The following STAB2 variants were observed in gnomAD, a reference collection of about 807,000 sequenced individuals.
STAB2 encodes stabilin-2.
STAB2 carries 288 observed loss-of-function variants against 338.1 expected under a neutral mutation model. The observed-to-expected ratio is 0.85, with a 90% CI of 0.77 to 0.94. STAB2 has a LOEUF of 0.94. Ranked by LOEUF, STAB2 falls within the 40% of genes least tolerant of loss-of-function variation. The pLI is 0.00. For missense variants in STAB2, 3,141 were observed against 3,210.1 expected (o/e 0.98, Z 0.52); for synonymous variants, 1,202 against 1,193.3 (o/e 1.01, Z -0.15).
chr12:103,611,041 T>C (rs568186432), intron 3 of STAB2, among the ~76,000 whole-genome samples: 12 of 152,262 alleles, frequency 7.9e-5, no homozygotes, highest in Non-Finnish European at 1.8e-4. Context: ...GATTGCACTG[T>C]GGTCTGAGAG....
At chr12:103,608,569 G>A (rs185586407) in intron 3 of STAB2, among the ~76,000 whole-genome samples, 63 of 152,284 alleles carry the variant, frequency 4.1e-4, no homozygotes, top group African/African-American at 1.4e-3. Flanking sequence ...TGAGTTCTTT[G>A]TAGATTCTGG....
At chr12:103,710,937 G>A (rs896246478) in intron 39 of STAB2, among the ~76,000 whole-genome samples, 5 of 152,124 alleles carry the variant, frequency 3.3e-5, no homozygotes, top group African/African-American at 9.7e-5. Context: ...CTGTGTCCAG[G>A]AAATTTACAT....
chr12:103,766,274 TCTCTTTTCCAGGA>T lies in STAB2; in HGVS notation c.7606-7_7611del. ...AGAATGCCCTGCCCCCTTACAACCC[TCTCTTTTCCAGGA>T]CTCTGAAGAACGGCAGCTTGAGGGC... On this transcript the variant is annotated splice_acceptor_variant and splice_polypyrimidine_tract_variant and coding_sequence_variant and intron_variant, in exon 69 of 69. Transcript: ENST00000388887. LOFTEE classifies it high-confidence loss of function. The T allele has an allele frequency of 1.2e-6, 2 of 1,613,702 alleles. No individual in the cohort carries two copies. Among genetic ancestry groups the T allele is most frequent in the Non-Finnish European group, 1.7e-6 (2 of 1,179,950 alleles).
intron 5 of STAB2, among the ~76,000 whole-genome samples, chr12:103,625,440 A>G (rs576070118): frequency 1.1e-4 from 16 of 152,228 alleles, no homozygotes; most frequent in Non-Finnish European, 2.4e-4. Flanking sequence ...TACATGTGCA[A>G]TGTTGGTGTG....
At chr12:103,652,394 A>G (rs778341203) in intron 11 of STAB2, among the ~76,000 whole-genome samples, 162 bp from the exon 12 acceptor site, 18 of 152,234 alleles carry the variant, frequency 1.2e-4, no homozygotes, top group African/African-American at 4.3e-4. Flanking sequence ...AATGTATAGC[A>G]AGTATAATTG....
At chr12:103,690,577 A>G (rs745364142) in intron 30 of STAB2, 39 bp downstream of exon 30, 33 of 1,554,354 alleles carry the variant, frequency 2.1e-5, no homozygotes, top group Middle Eastern at 3.4e-4. Flanking sequence ...TTGAAACATA[A>G]CAGCTTTGTT....
chr12:103,600,699 C>T (rs1325494433), intron 3 of STAB2, among the ~76,000 whole-genome samples: 1 of 152,212 alleles, frequency 6.6e-6, no homozygotes, highest in African/African-American at 2.4e-5. Flanking sequence ...GAGGGCTGGG[C>T]CAGGGTGAAG....
At chr12:103,630,137 G>A (rs1225304567) in intron 5 of STAB2, among the ~76,000 whole-genome samples, 2 of 152,188 alleles carry the variant, frequency 1.3e-5, no homozygotes, top group Non-Finnish European at 2.9e-5. Context: ...TGAAATGAAT[G>A]AAATGGAGAG....
intron 3 of STAB2, among the ~76,000 whole-genome samples, chr12:103,607,719 TC>T (rs1234525919): frequency 6.6e-6 from 1 of 152,212 alleles, no homozygotes; most frequent in Non-Finnish European, 1.5e-5. Context: ...CATGAACTCA[TC>T]CTTTTTTATC....
chr12:103,649,841 G>T (rs1394431571), intron 10 of STAB2, among the ~76,000 whole-genome samples: 1 of 152,070 alleles, frequency 6.6e-6, no homozygotes. Flanking sequence ...GGGAGGTAGT[G>T]TTTTTTGCAG....
intron 9 of STAB2, among the ~76,000 whole-genome samples, chr12:103,643,546 C>A (rs1355301168): frequency 1.3e-5 from 2 of 152,020 alleles, no homozygotes; most frequent in African/African-American, 2.4e-5. Flanking sequence ...CCCAGAGCAC[C>A]CTGGAATGTG....
At chr12:103,723,923 G>A (rs1198840995) in intron 44 of STAB2, among the ~76,000 whole-genome samples, 3 of 152,142 alleles carry the variant, frequency 2.0e-5, no homozygotes, top group Non-Finnish European at 4.4e-5. Context: ...GGTGGCCAGA[G>A]AGAGAGGGAT....
At chr12:103,665,664 G>A (rs1468832964) in intron 18 of STAB2, among the ~76,000 whole-genome samples, 3 of 152,076 alleles carry the variant, frequency 2.0e-5, no homozygotes, top group African/African-American at 2.4e-5. Context: ...TCCTGCTAGT[G>A]ACTGGACGTT....
rs775250954 is a variant in STAB2, at chr12:103,755,637, C to T, written c.6906C>T (p.Gly2302=). 1.2e-6 allele frequency: 2 copies of T among 1,613,998 alleles called. No homozygotes were observed. Among genetic ancestry groups the T allele is most frequent in the South Asian group, 2.2e-5 (2 of 91,090 alleles). The change falls in exon 63 of 69, where the codon GGC becomes GGT. Residue 2302 remains glycine (G), a synonymous_variant. Coordinates refer to ENST00000388887, the MANE Select transcript of STAB2 (RefSeq NM_017564.10). ...ATGTGAACTGCACCTGCAAGGTGGG[C>T]TATGTGGGAGATGGCTTCTCATGCA... The part of the protein sequence containing the change: ...MKDVNCTCKV[G]YVGDGFSCSG...
intron 60 of STAB2, among the ~76,000 whole-genome samples, chr12:103,752,526 A>G (rs1043358672): frequency 5.3e-5 from 8 of 152,242 alleles, no homozygotes; most frequent in Admixed American, 1.3e-4. Context: ...GAAAGGTATC[A>G]GCTATGAACC....
intron 34 of STAB2, among the ~76,000 whole-genome samples, chr12:103,700,462 T>TG (rs1170035063): frequency 6.6e-6 from 1 of 152,204 alleles, no homozygotes; most frequent in Admixed American, 6.5e-5. Context: ...TATCTGCTTA[T>TG]GGGGAAAAAA....
chr12:103,622,772 A>G (rs1198879562), intron 5 of STAB2, among the ~76,000 whole-genome samples: 3 of 152,136 alleles, frequency 2.0e-5, no homozygotes. Flanking sequence ...GCTTCCACCC[A>G]TCTTTATGAT....
At chr12:103,596,277 T>G (rs1321198063) in intron 3 of STAB2, among the ~76,000 whole-genome samples, 2 of 152,194 alleles carry the variant, frequency 1.3e-5, no homozygotes, top group African/African-American at 2.4e-5. Context: ...TGATGCTAAG[T>G]TACTAATCAG....
chr12:103,594,027 T>C (rs762814820), intron 2 of STAB2, among the ~76,000 whole-genome samples: 10 of 151,938 alleles, frequency 6.6e-5, no homozygotes, highest in Non-Finnish European at 1.5e-4. Context: ...ACACATACTG[T>C]GCATTTTGTA....
Sources: allele counts gnomAD v4.1 joint callset (sites outside exome capture counted in the v4.1 genomes callset), GRCh38; gene constraint gnomAD v4.1.1; transcripts MANE v1.5; gene names NCBI Gene and HGNC (gene_info 2026-07-23, HGNC 2026-07-21).